The following SLC25A17 variants were observed in gnomAD, a reference collection of about 807,000 sequenced individuals.
The protein encoded by SLC25A17 is solute carrier family 25 member 17, also known as peroxisomal membrane protein PMP34.
Under a neutral mutation model 38.5 loss-of-function variants are expected in SLC25A17, and 26 were observed. That is an observed-to-expected ratio of 0.68 (90% CI 0.50 to 0.94). The LOEUF (loss-of-function observed/expected upper bound fraction) is 0.94. SLC25A17 is among the 40% of genes least tolerant of loss of function. SLC25A17 has a pLI of 0.00. For synonymous variants in SLC25A17, 139 were observed against 136.2 expected (o/e 1.02, Z -0.14); for missense variants, 333 against 372.7 (o/e 0.89, Z 0.88).
At chr22:40,806,895 G>T (rs2057535195) in intron 1 of SLC25A17, among the ~76,000 whole-genome samples, 1 of 152,044 alleles carries the variant, frequency 6.6e-6, no homozygotes, top group African/African-American at 2.4e-5. Context: ...CTGGAGTACT[G>T]TCTGTACCTA....
rs866011283 is a variant in SLC25A17 at position 40,814,791 on chromosome 22, T to A, written c.54+4404A>T. ...TATATATATATATATATATATATAT[T>A]GTTGTTGTTGTTGTTGTTTTGTTTT... On this transcript the variant is annotated intron_variant, in intron 1 of 8. Coordinates refer to ENST00000435456, the MANE Select transcript of SLC25A17 (RefSeq NM_006358.4). 6.4e-4 allele frequency among the ~76,000 whole-genome samples: 79 copies of A among 122,596 alleles called. 1 individual carries two copies. The highest frequency in any genetic ancestry group is 1.4e-3 in the East Asian group (6 of 4,428). The allele number at this position is 122,596 out of a possible 152,430, so 80.4% of individuals were successfully genotyped here.
intron 4 of SLC25A17, chr22:40,780,008 A>C (rs1436593246): frequency 6.6e-6 from 1 of 152,344 alleles, no homozygotes; most frequent in Non-Finnish European, 1.5e-5. Flanking sequence ...GCAATGAACA[A>C]ACTCAGTAAA....
At chr22:40,776,361 T>C (rs555175154) in intron 7 of SLC25A17, 4 of 460,200 alleles carry the variant, frequency 8.7e-6, no homozygotes, top group Admixed American at 4.9e-5. Flanking sequence ...AGCTAAATCA[T>C]TCATTCCTCC....
chr22:40,771,112 A>C (rs1246510817), intron 8 of SLC25A17, 131 bp from the exon 9 acceptor site: 10 of 833,034 alleles, frequency 1.2e-5, no homozygotes, highest in African/African-American at 1.7e-5. Context: ...TTGTCAAAGT[A>C]CTTTCCTTTT....
intron 4 of SLC25A17, among the ~76,000 whole-genome samples, chr22:40,786,990 C>T (rs1268637239): frequency 6.6e-6 from 1 of 152,172 alleles, no homozygotes; most frequent in African/African-American, 2.4e-5. Context: ...GTAATCTCTG[C>T]CTTTAAGGAG....
intron 7 of SLC25A17, among the ~76,000 whole-genome samples, chr22:40,774,348 C>T (rs1011566971): frequency 1.3e-5 from 2 of 151,924 alleles, no homozygotes; most frequent in Admixed American, 6.6e-5. Context: ...CTCAGCCTCC[C>T]GAGTAGTTGG....
chr22:40,793,022 T>C (rs2057397641), intron 3 of SLC25A17, among the ~76,000 whole-genome samples: 1 of 151,736 alleles, frequency 6.6e-6, no homozygotes, highest in Admixed American at 6.6e-5. Flanking sequence ...GCAAGAACAG[T>C]TAAAATGAAG....
At chr22:40,807,070 T>G (rs1189080672) in intron 1 of SLC25A17, among the ~76,000 whole-genome samples, 1 of 152,240 alleles carries the variant, frequency 6.6e-6, no homozygotes, top group Non-Finnish European at 1.5e-5. Flanking sequence ...TTGTAGCACA[T>G]ACAAATTCTT....
intron 4 of SLC25A17, among the ~76,000 whole-genome samples, chr22:40,790,580 G>A (rs749812355): frequency 2.0e-5 from 3 of 152,278 alleles, no homozygotes; most frequent in Non-Finnish European, 4.4e-5. Flanking sequence ...TAGGTATGGG[G>A]GAGTCTGCTG....
intron 3 of SLC25A17, 92 bp from the exon 4 acceptor site, chr22:40,792,768 G>T: frequency 7.5e-7 from 1 of 1,325,396 alleles, no homozygotes; most frequent in East Asian, 2.4e-5. Flanking sequence ...TCATTCACAT[G>T]GTCTCAAGCT....
intron 5 of SLC25A17, among the ~76,000 whole-genome samples, chr22:40,777,899 TC>T (rs2057260927): frequency 6.6e-6 from 1 of 152,196 alleles, no homozygotes; most frequent in Non-Finnish European, 1.5e-5. Flanking sequence ...GAGACCAACT[TC>T]AATCACAGGC....
intron 8 of SLC25A17, among the ~76,000 whole-genome samples, chr22:40,772,325 TAGA>T (rs1199263345): frequency 6.6e-6 from 1 of 152,202 alleles, no homozygotes; most frequent in Non-Finnish European, 1.5e-5. Context: ...TATTTTTTGA[TAGA>T]AGGTCTCACT....
intron 8 of SLC25A17, among the ~76,000 whole-genome samples, chr22:40,772,028 AAAC>A (rs1027122183): frequency 3.3e-5 from 5 of 151,872 alleles, no homozygotes; most frequent in African/African-American, 1.2e-4. Context: ...AAAAAAAAAA[AAAC>A]AAAGCCATTA....
At chr22:40,772,637 T>A (rs957809297) in intron 8 of SLC25A17, among the ~76,000 whole-genome samples, 3 of 152,038 alleles carry the variant, frequency 2.0e-5, no homozygotes, top group Non-Finnish European at 2.9e-5. Flanking sequence ...ATGTTCTTTT[T>A]TTTTTTTTAT....
intron 1 of SLC25A17, among the ~76,000 whole-genome samples, chr22:40,807,025 C>A (rs573285517): frequency 6.6e-6 from 1 of 152,288 alleles, no homozygotes; most frequent in East Asian, 1.9e-4. Flanking sequence ...GCCATGGCTT[C>A]TTTACACTTA....
intron 1 of SLC25A17, among the ~76,000 whole-genome samples, chr22:40,806,769 G>A (rs545912226): frequency 4.6e-5 from 7 of 151,970 alleles, no homozygotes; most frequent in Non-Finnish European, 8.8e-5. Flanking sequence ...GCCACTAATC[G>A]GCTTTCTGTC....
At chr22:40,792,461 T>C in intron 4 of SLC25A17, 64 bp downstream of exon 4, 1 of 1,407,616 alleles carries the variant, frequency 7.1e-7, no homozygotes, top group Non-Finnish European at 9.7e-7. Context: ...CTAAATAACC[T>C]CTTAGAGGAT....
chr22:40,794,434 A>G, intron 3 of SLC25A17, 80 bp downstream of exon 3: 3 of 818,630 alleles, frequency 3.7e-6, no homozygotes, highest in Non-Finnish European at 6.2e-6. Context: ...AGAAAGATAG[A>G]AAGTAAGCAT....
chr22:40,770,751 AGAG>A lies in SLC25A17; in HGVS notation c.*80_*82del. On this transcript the variant is annotated 3_prime_UTR_variant, in exon 9 of 9. Transcript: ENST00000435456. ...GGTAACATTTGTGGTGGCAGGAGCC[AGAG>A]TCAAGGGAGAATCACTTCTCTTCAC... 2.1e-6 allele frequency: 3 copies of A among 1,403,732 alleles called. No homozygotes were observed. The highest frequency in any genetic ancestry group is 2.9e-6 in the Non-Finnish European group (3 of 1,039,558). The allele number at this position is 1,403,732 out of a possible 1,614,324, so 87.0% of individuals were successfully genotyped here. A position where few individuals can be genotyped will look rare whatever the true frequency, so the allele number is the denominator to read the frequency against.
Sources: gnomAD v4.1 joint callset for allele counts (sites outside exome capture counted in the v4.1 genomes callset) on GRCh38, gnomAD v4.1.1 for gene constraint, MANE v1.5 for transcripts, NCBI Gene and HGNC (gene_info 2026-07-23, HGNC 2026-07-21) for gene names.